The following EMX1 variants were observed in gnomAD, a reference collection of about 807,000 sequenced individuals.
EMX1 encodes homeobox protein EMX1.
Under a neutral mutation model 20.1 loss-of-function variants are expected in EMX1, and 10 were observed. The observed-to-expected ratio is 0.50, with a 90% CI of 0.31 to 0.84. The LOEUF (loss-of-function observed/expected upper bound fraction) is 0.84. Ranked by LOEUF, EMX1 falls within the 40% of genes least tolerant of loss-of-function variation. EMX1 has a pLI of 0.05. For synonymous variants in EMX1, 250 were observed against 200.4 expected (o/e 1.25, Z -2.09); for missense variants, 424 against 431.9 (o/e 0.98, Z 0.16).
In EMX1 at chr2:72,918,158, G is replaced by A. The variant is rs1324774744; in HGVS notation, c.306G>A (p.Ala102=). 3 of 1,500,532 alleles carry A rather than the reference G, an allele frequency of 2.0e-6. No individual in the cohort carries two copies. The highest frequency in any genetic ancestry group is 5.7e-5 in the East Asian group (2 of 35,374). The allele number at this position is 1,500,532 out of a possible 1,614,324, so 93.0% of individuals were successfully genotyped here. A position where few individuals can be genotyped will look rare whatever the true frequency, so the allele number is the denominator to read the frequency against. Residue 102 remains alanine, a synonymous_variant, in exon 1 of 3, where the codon GCG becomes GCA. Transcript: ENST00000258106. The part of the protein sequence containing the change: ...EAAFVSGFPA[A]AAAGAGRSLY... Reference sequence around the variant, plus strand: ...CCTTCGTGAGTGGCTTCCCTGCCGCGGCCGCCGCGGGCGCGGGCCGCTCGC... The same window carrying A: ...CCTTCGTGAGTGGCTTCCCTGCCGCAGCCGCCGCGGGCGCGGGCCGCTCGC...
rs577158735 is a variant in EMX1, at chr2:72,925,522, G to T, written c.705+1029G>T. 214 of 1,288,298 alleles carry T rather than the reference G, an allele frequency of 1.7e-4. No homozygotes were observed. In the African/African-American group the frequency reaches 3.0e-3, roughly 18 times the overall value. 79.8% of individuals were successfully genotyped at this position (1,288,298 alleles called of 1,614,324 possible). A position where few individuals can be genotyped will look rare whatever the true frequency, so the allele number is the denominator to read the frequency against. ...GATTTCAGTCTCTGCGTGCCGGCCG[G>T]CTCCCAGAGTTGCGAGAGGCCGGCT... On this transcript the variant is annotated intron_variant, in intron 2 of 2. Transcript: ENST00000258106.
upstream of EMX1, chr2:72,916,433 C>T (rs559030061): frequency 1.5e-5 from 8 of 550,502 alleles, no homozygotes; most frequent in South Asian, 1.7e-4. Context: ...CCCAGCCTCC[C>T]CACCGCCGCC....
intron 2 of EMX1, 131 bp from the exon 3 acceptor site, chr2:72,933,656 C>T: frequency 1.6e-6 from 2 of 1,247,202 alleles, no homozygotes; most frequent in South Asian, 3.1e-5. Context: ...GGACCCCGGC[C>T]TGGGGCCCCT....
upstream of EMX1, chr2:72,916,892 G>A (rs1401424523): frequency 1.4e-6 from 1 of 717,368 alleles, no homozygotes; most frequent in Non-Finnish European, 2.6e-6. Flanking sequence ...CGAACAGCTG[G>A]AGGGTGGCAG....
At chr2:72,925,671 G>C in intron 2 of EMX1, 2 of 1,167,646 alleles carry the variant, frequency 1.7e-6, no homozygotes, top group Non-Finnish European at 2.2e-6. Context: ...GCCCGGCATG[G>C]GGGGCAGCCG....
intron 1 of EMX1, among the ~76,000 whole-genome samples, chr2:72,921,069 G>T (rs183342250): frequency 1.6e-3 from 249 of 152,312 alleles, no homozygotes; most frequent in African/African-American, 5.7e-3. Flanking sequence ...GCCCCTGGCC[G>T]GCGGCGGCCT....
At chr2:72,925,827 C>G (rs1671191799) in intron 2 of EMX1, 1 of 985,322 alleles carries the variant, frequency 1.0e-6, no homozygotes, top group Non-Finnish European at 1.2e-6. Context: ...CTGTCTGCTG[C>G]CCCACTTAAT....
chr2:72,934,451 G>C lies in EMX1; in HGVS notation c.*497G>C, dbSNP rs1428149111. On this transcript the variant is annotated 3_prime_UTR_variant, in exon 3 of 3. Transcript: ENST00000258106. ...AACGCGTTCAGGGCCTGGGAGCCTG[G>C]GGTGGGGTACTGGTGGAGGGGGTCA... The C allele has an allele frequency of 1.3e-5, 2 of 155,212 alleles. No homozygotes were observed. Among genetic ancestry groups the C allele is most frequent in the African/African-American group, 2.4e-5 (1 of 41,438 alleles). The allele number at this position is 155,212 out of a possible 1,614,324, so 9.6% of individuals were successfully genotyped here.
intron 2 of EMX1, chr2:72,926,230 T>A: frequency 2.0e-6 from 2 of 985,430 alleles, no homozygotes; most frequent in Non-Finnish European, 2.4e-6. Context: ...CATTTTTAAT[T>A]AACTCTCTTT....
At position 72,924,426 on chromosome 2, in the gene EMX1, A is replaced by G. The variant is rs1671158693; in HGVS notation, c.638A>G (p.Lys213Arg). 3 of 1,597,896 alleles carry G rather than the reference A, an allele frequency of 1.9e-6. No individual in the cohort carries two copies. The highest frequency in any genetic ancestry group is 4.5e-5 in the East Asian group (2 of 44,426). Reference protein sequence around the residue: ...QLLRLERAFEKNHYVVGAERK... With the variant: ...QLLRLERAFERNHYVVGAERK... ...CTGCGGCTGGAGCGCGCCTTCGAGA[A>G]GAACCACTACGTGGTGGGCGCCGAG... is the stretch of plus-strand genomic sequence containing the variant. Residue 213 changes from lysine (K) to arginine (R), a missense_variant, in exon 2 of 3, where the codon AAG becomes AGG. Physicochemically the swap from Lys to Arg is conservative, Grantham distance 26. Around this residue, in one of 2 missense-constraint regions of EMX1, gnomAD observed 91 missense variants for 135.2 expected, o/e 0.67. Transcript: ENST00000258106.
At chr2:72,924,532 C>T (rs1254596577) in intron 2 of EMX1, 39 bp downstream of exon 2, 2 of 1,515,096 alleles carry the variant, frequency 1.3e-6, no homozygotes, top group Admixed American at 3.9e-5. Flanking sequence ...GCGCCCGGAG[C>T]CCGGGTGGAG....
Position 72,933,857 on chromosome 2 carries a change from C to T in EMX1, c.776C>T (p.Ser259Phe), listed in dbSNP as rs764275308. 6.2e-6 allele frequency: 10 copies of T among 1,614,234 alleles called. No homozygotes were observed. In the South Asian group the frequency reaches 1.1e-4, roughly 18 times the overall value. The change falls in exon 3 of 3, where the codon TCC becomes TTC. Residue 259 changes from serine (S) to phenylalanine (F), a missense_variant. Physicochemically the swap from Ser to Phe is radical, Grantham distance 155. Transcript: ENST00000258106. ...AAGCTGGAGGAGGAAGGGCCTGAGT[C>T]CGAGCAGAAGAAGAAGGGCTCCCAT... ...RQKLEEEGPE[S>F]EQKKKGSHHI... is the part of the protein sequence containing the mutation.
rs1435103931 is a variant in EMX1, at chr2:72,934,702, T to C, written c.*748T>C. The stretch of plus-strand genomic sequence containing the variant: ...CTAGAGACTCTGGTGGCTTCTCCAG[T>C]TGAGGAGAAACCAGAGGAAAGGGGA... On this transcript the variant is annotated 3_prime_UTR_variant, in exon 3 of 3. Transcript: ENST00000258106. 6.6e-6 allele frequency: 1 copy of C among 152,128 alleles called. No homozygotes were observed. Among genetic ancestry groups the C allele is most frequent in the East Asian group, 1.9e-4 (1 of 5,166 alleles). 9.4% of individuals were successfully genotyped at this position (152,128 alleles called of 1,614,324 possible). A position where few individuals can be genotyped will look rare whatever the true frequency, so the allele number is the denominator to read the frequency against.
At chr2:72,918,775 C>T (rs964383647) in intron 1 of EMX1, among the ~76,000 whole-genome samples, 2 of 152,228 alleles carry the variant, frequency 1.3e-5, no homozygotes, top group Admixed American at 6.5e-5. Context: ...GCAAGTCCAC[C>T]ACCACCTCCG....
chr2:72,934,160 C>A lies in EMX1; in HGVS notation c.*206C>A. The A allele has an allele frequency of 1.5e-6, 1 of 688,346 alleles. No individual in the cohort carries two copies. The allele number at this position is 688,346 out of a possible 1,614,324, so 42.6% of individuals were successfully genotyped here. On this transcript the variant is annotated 3_prime_UTR_variant, in exon 3 of 3. Coordinates refer to ENST00000258106, the MANE Select transcript of EMX1 (RefSeq NM_004097.3). Reference sequence around the variant, plus strand: ...GAGGCCTGGGACCACTTGGCCTTCTCCTCGGAGAGCCTGCCTGCCTGGGCG... The same window carrying A: ...GAGGCCTGGGACCACTTGGCCTTCTACTCGGAGAGCCTGCCTGCCTGGGCG...
chr2:72,919,204 C>CAA, intron 1 of EMX1, among the ~76,000 whole-genome samples: 1 of 152,168 alleles, frequency 6.6e-6, no homozygotes, highest in South Asian at 2.1e-4. Flanking sequence ...CACACACACA[C>CAA]ACACACACAC....
chr2:72,929,008 T>C (rs529475764), intron 2 of EMX1, among the ~76,000 whole-genome samples: 2 of 152,274 alleles, frequency 1.3e-5, no homozygotes, highest in South Asian at 4.1e-4. Flanking sequence ...CCTATGGCTT[T>C]TTCCCCTCAG....
chr2:72,916,812 C>G (rs760126946), upstream of EMX1: 3 of 717,276 alleles, frequency 4.2e-6, no homozygotes, highest in South Asian at 3.0e-5. Context: ...CTCCCAGTGC[C>G]GAGGCCCGCC....
intron 1 of EMX1, among the ~76,000 whole-genome samples, chr2:72,921,847 G>A (rs573635322): frequency 6.6e-6 from 1 of 152,304 alleles, no homozygotes; most frequent in Non-Finnish European, 1.5e-5. Flanking sequence ...CAGACTTGAG[G>A]CAAAGGGGCA....
Sources: gnomAD v4.1 joint callset for allele counts (sites outside exome capture counted in the v4.1 genomes callset) on GRCh38, gnomAD v4.1.1 for gene constraint, gnomAD v4.1.1 regional missense constraint, MANE v1.5 for transcripts, NCBI Gene and HGNC (gene_info 2026-07-23, HGNC 2026-07-21) for gene names.